The following PLA2G4C variants were observed in gnomAD, a reference collection of about 807,000 sequenced individuals.
PLA2G4C encodes phospholipase A2 group IVC.
PLA2G4C carries 64 observed loss-of-function variants against 73.8 expected under a neutral mutation model. The observed-to-expected ratio is 0.87, with a 90% CI of 0.71 to 1.07. The LOEUF (loss-of-function observed/expected upper bound fraction) is 1.07, where lower values mean the gene tolerates loss of function less well. Ranked by LOEUF, PLA2G4C falls within the 50% of genes least tolerant of loss-of-function variation. PLA2G4C has a pLI of 0.00. For missense variants in PLA2G4C, 622 were observed against 665.4 expected (o/e 0.93, Z 0.72); for synonymous variants, 254 against 252.1 (o/e 1.01, Z -0.07).
At chr19:48,105,521 T>C in intron 2 of PLA2G4C, 77 bp from the exon 3 acceptor site, 1 of 1,161,664 alleles carries the variant, frequency 8.6e-7, no homozygotes, top group Non-Finnish European at 1.3e-6. Context: ...GACCTAGAAC[T>C]GGGCTGTCCA....
Position 48,067,787 on chromosome 19 carries a change from T to C in PLA2G4C, c.1102+4A>G. 3 of 1,583,470 alleles carry C rather than the reference T, an allele frequency of 1.9e-6. No homozygotes were observed. Among genetic ancestry groups the C allele is most frequent in the Non-Finnish European group, 2.6e-6 (3 of 1,152,192 alleles). ...CCAGGGCGGTGGGAAGAGGGTCTTC[T>C]CACCGTGTTTGTACAGGAAGTTGTG... On this transcript the variant is annotated splice_donor_region_variant and intron_variant, in intron 13 of 16. Transcript: ENST00000599921.
chr19:48,105,365 C>G lies in PLA2G4C; in HGVS notation c.88G>C (p.Ala30Pro). 1.2e-6 allele frequency: 2 copies of G among 1,613,794 alleles called. No homozygotes were observed. Among genetic ancestry groups the G allele is most frequent in the African/African-American group, 1.3e-5 (1 of 75,026 alleles). Residue 30 changes from alanine (A) to proline (P), a missense_variant, in exon 3 of 17, where the codon GCT becomes CCT. Ala to Pro is a conservative substitution (Grantham distance 27). Coordinates refer to ENST00000599921, the MANE Select transcript of PLA2G4C (RefSeq NM_003706.3). Reference sequence around the variant, plus strand: ...GCCTCAATCCTTAGCTTCTTCAGAGCTTTCAGCACATGAAGTCTTCGTCTC... The same window carrying G: ...GCCTCAATCCTTAGCTTCTTCAGAGGTTTCAGCACATGAAGTCTTCGTCTC... ...VERRRLHVLKALKKLRIEADE... is the reference protein window; with the variant it reads ...VERRRLHVLKPLKKLRIEADE...
intron 7 of PLA2G4C, 47 bp downstream of exon 7, chr19:48,095,417 C>T: frequency 1.3e-6 from 2 of 1,587,106 alleles, no homozygotes; most frequent in South Asian, 1.1e-5. Context: ...TCTTGCCTCT[C>T]CTCCACTTCC....
chr19:48,101,693 A>G (rs1407117463), intron 4 of PLA2G4C, among the ~76,000 whole-genome samples: 4 of 80,750 alleles, frequency 5.0e-5, no homozygotes, highest in Admixed American at 4.3e-4. Flanking sequence ...TTTTTTTTTG[A>G]GATGGAGTTT....
intron 4 of PLA2G4C, among the ~76,000 whole-genome samples, chr19:48,101,818 G>C (rs2031934784): frequency 6.6e-6 from 1 of 151,402 alleles, no homozygotes; most frequent in African/African-American, 2.4e-5. Context: ...GGGATTACAG[G>C]TGCGTGCCAC....
At chr19:48,081,119 C>T (rs1256598691) in intron 10 of PLA2G4C, among the ~76,000 whole-genome samples, 4 of 149,868 alleles carry the variant, frequency 2.7e-5, no homozygotes, top group African/African-American at 9.8e-5. Context: ...GAGCCGAGAT[C>T]GCGCCACTGC....
intron 5 of PLA2G4C, 41 bp downstream of exon 5, chr19:48,099,630 C>T (rs1259357300): frequency 6.7e-6 from 10 of 1,498,480 alleles, no homozygotes; most frequent in South Asian, 2.4e-5. Flanking sequence ...AGACCCCTTG[C>T]TCCTACCCCC....
At chr19:48,056,512 C>A (rs897953438) in intron 14 of PLA2G4C, among the ~76,000 whole-genome samples, 2 of 151,578 alleles carry the variant, frequency 1.3e-5, no homozygotes, top group African/African-American at 2.4e-5. Flanking sequence ...AGCGCCATTG[C>A]ACTCCAACCT....
Position 48,067,973 on chromosome 19 carries a change from T to A in PLA2G4C, c.1007-87A>T, listed in dbSNP as rs867713293. ...CCAAAGTCATATGTGGAAGCCCTCA[T>A]CCCCCATGGGGTTGTATCTGGAGAC... is the stretch of plus-strand genomic sequence containing the variant. On this transcript the variant is annotated intron_variant, in intron 12 of 16. Transcript: ENST00000599921. 1.7e-4 allele frequency: 162 copies of A among 927,564 alleles called. No homozygotes were observed. In the Middle Eastern group the frequency reaches 4.7e-3, roughly 27 times the overall value. The allele number at this position is 927,564 out of a possible 1,614,324, so 57.5% of individuals were successfully genotyped here.
At chr19:48,095,653 T>C in intron 6 of PLA2G4C, 49 bp from the exon 7 acceptor site, 1 of 1,592,250 alleles carries the variant, frequency 6.3e-7, no homozygotes. Context: ...GAACCAGGAA[T>C]GTAGCAGGTA....
chr19:48,102,240 C>T (rs575693650), intron 4 of PLA2G4C, among the ~76,000 whole-genome samples: 8 of 152,004 alleles, frequency 5.3e-5, no homozygotes, highest in African/African-American at 1.7e-4. Flanking sequence ...CCTGTAATTC[C>T]AGCACTTTGG....
chr19:48,082,277 T>C (rs1474278148), intron 10 of PLA2G4C, among the ~76,000 whole-genome samples: 3 of 151,978 alleles, frequency 2.0e-5, no homozygotes, highest in African/African-American at 4.8e-5. Context: ...TACCTAATAG[T>C]AGCAGTGTTG....
intron 4 of PLA2G4C, 109 bp from the exon 5 acceptor site, chr19:48,099,969 A>T (rs1167071615): frequency 2.9e-6 from 2 of 678,570 alleles, no homozygotes; most frequent in Non-Finnish European, 5.0e-6. Context: ...CCTCATGGAG[A>T]GGGCGACACA....
intron 10 of PLA2G4C, among the ~76,000 whole-genome samples, chr19:48,080,860 T>G (rs1439680021): frequency 6.7e-6 from 1 of 149,952 alleles, no homozygotes; most frequent in Non-Finnish European, 1.5e-5. Flanking sequence ...CAATTCACAA[T>G]TGAAAGATAT....
intron 4 of PLA2G4C, among the ~76,000 whole-genome samples, chr19:48,100,314 C>T (rs1444809000): frequency 1.3e-5 from 2 of 152,034 alleles, no homozygotes; most frequent in South Asian, 2.1e-4. Context: ...GTCAGGAGTT[C>T]GAGACCAGCC....
At chr19:48,049,344 G>A (rs1967634679) in intron 16 of PLA2G4C, among the ~76,000 whole-genome samples, 1 of 152,104 alleles carries the variant, frequency 6.6e-6, no homozygotes, top group Non-Finnish European at 1.5e-5. Context: ...CCAGGTGAAA[G>A]GTCTCTCCCT....
intron 9 of PLA2G4C, among the ~76,000 whole-genome samples, chr19:48,087,363 T>A (rs1279548962): frequency 6.6e-6 from 1 of 152,186 alleles, no homozygotes; most frequent in Non-Finnish European, 1.5e-5. Context: ...GTTTCTCCCA[T>A]GGGAGCTCAG....
At chr19:48,059,825 ATGGCACAATCT>A in intron 14 of PLA2G4C, among the ~76,000 whole-genome samples, 1 of 146,440 alleles carries the variant, frequency 6.8e-6, no homozygotes. Flanking sequence ...CTGGAGTGCA[ATGGCACAATCT>A]TGGTTCACTG....
At chr19:48,082,914 C>T (rs1376534384) in intron 10 of PLA2G4C, among the ~76,000 whole-genome samples, 4 of 146,580 alleles carry the variant, frequency 2.7e-5, no homozygotes, top group Admixed American at 2.1e-4. Flanking sequence ...CCCAGGTTCA[C>T]GCCATTCTCC....
Sources: gnomAD v4.1 joint callset for allele counts (sites outside exome capture counted in the v4.1 genomes callset) on GRCh38, gnomAD v4.1.1 for gene constraint, MANE v1.5 for transcripts, NCBI Gene and HGNC (gene_info 2026-07-23, HGNC 2026-07-21) for gene names.